Variants in SACS observed in about 807,000 individuals in gnomAD.
SACS encodes the protein sacsin.
SACS carries 197 observed loss-of-function variants against 348.0 expected under a neutral mutation model. That is an observed-to-expected ratio of 0.57 (90% CI 0.50 to 0.64). The LOEUF is 0.64. SACS is among the 30% of genes least tolerant of loss of function. The probability of loss-of-function intolerance (pLI) is 0.00; values close to 1 mark genes in which losing one functional copy is unlikely to be tolerated. For missense variants in SACS, 4,999 were observed against 5,360.8 expected, an observed-to-expected ratio of 0.93 and a Z score of 2.11; for synonymous variants, 1,985 against 1,910.6, an observed-to-expected ratio of 1.04 and a Z score of -1.02.
chr13:23,364,707 TATC>T (rs1264162975), intron 6 of SACS, among the ~76,000 whole-genome samples: 3 of 152,254 alleles, frequency 2.0e-5, no homozygotes, highest in Admixed American at 2.0e-4. Flanking sequence ...ATGGCTTTCT[TATC>T]ATGTTTCCTT....
intron 5 of SACS, among the ~76,000 whole-genome samples, chr13:23,366,635 A>G (rs560184086): frequency 6.6e-6 from 1 of 152,254 alleles, no homozygotes; most frequent in African/African-American, 2.4e-5. Flanking sequence ...TCAGGTATCT[A>G]TTTATTATTT....
intron 8 of SACS, 103 bp from the exon 9 acceptor site, chr13:23,353,979 T>C: frequency 1.3e-6 from 1 of 750,026 alleles, no homozygotes; most frequent in Non-Finnish European, 2.4e-6. Context: ...ACTATTTTAT[T>C]TTACATAAAT....
At chr13:23,374,874 C>T (rs994951946) in intron 3 of SACS, among the ~76,000 whole-genome samples, 9 of 149,178 alleles carry the variant, frequency 6.0e-5, no homozygotes, top group African/African-American at 2.2e-4. Flanking sequence ...CAATGTCCAC[C>T]AAAAAAAATC....
chr13:23,330,194 A>G lies in SACS; in HGVS notation c.13682T>C (p.Met4561Thr). Residue 4561 changes from methionine (M) to threonine (T), a missense_variant, in exon 10 of 10, where the codon ATG becomes ACG. Physicochemically the swap from Met to Thr is moderately conservative, Grantham distance 81. Transcript: ENST00000382292. ...RFTSEVAMRV[M>T]ECTACIIIKL... ...TATTATGATACAGGCAGTACATTCC[A>G]TCACCCTCATAGCAACCTCAGAAGT... The G allele has an allele frequency of 6.2e-7, 1 of 1,614,104 alleles. No individual in the cohort carries two copies. Among genetic ancestry groups the G allele is most frequent in the Non-Finnish European group, 8.5e-7 (1 of 1,179,964 alleles).
intron 3 of SACS, among the ~76,000 whole-genome samples, chr13:23,374,574 T>C (rs936570755): frequency 2.0e-5 from 3 of 152,232 alleles, no homozygotes; most frequent in African/African-American, 4.8e-5. Context: ...AAAGAATACA[T>C]AACAATATTC....
At chr13:23,354,001 CATCAA>C (rs1870150095) in intron 8 of SACS, 125 bp from the exon 9 acceptor site, 2 of 678,886 alleles carry the variant, frequency 2.9e-6, no homozygotes, top group African/African-American at 3.6e-5. Flanking sequence ...ATAATGCACA[CATCAA>C]ATCAAATTAC....
intron 5 of SACS, among the ~76,000 whole-genome samples, chr13:23,365,646 ACTTAAG>A (rs1227044406): frequency 6.6e-6 from 1 of 152,206 alleles, no homozygotes; most frequent in Non-Finnish European, 1.5e-5. Context: ...GTGGCAGGTA[ACTTAAG>A]CTTGAGTGAT....
At chr13:23,429,519 T>C (rs556236458) in intron 1 of SACS, among the ~76,000 whole-genome samples, 1,706 of 151,976 alleles carry the variant, frequency 0.011, 36 homozygotes, top group African/African-American at 0.038. Flanking sequence ...CCCGCCACCA[T>C]GCCCGGCTAA....
chr13:23,362,641 A>G (rs1870809471), intron 6 of SACS, among the ~76,000 whole-genome samples: 1 of 136,424 alleles, frequency 7.3e-6, no homozygotes, highest in Admixed American at 8.4e-5. Context: ...GCTGGAGTGC[A>G]GTGGCAAGAT....
In SACS at chr13:23,335,084, T is replaced by C. The variant is rs1158086714; in HGVS notation, c.8792A>G (p.Lys2931Arg). Residue 2931 changes from lysine (K) to arginine (R), a missense_variant, in exon 10 of 10, where the codon AAA becomes AGA. Physicochemically the swap from Lys to Arg is conservative, Grantham distance 26. This residue lies in a region of SACS where 734 missense variants were observed against 694.0 expected (regional missense o/e 1.06). Coordinates refer to ENST00000382292, the MANE Select transcript of SACS (RefSeq NM_014363.6). The surrounding 1 kb of genome is among the most constrained non-coding windows in gnomAD (Gnocchi z 4.7). ...AYVELLIQLKKRYFPGSDPTL... is the reference protein window; with the variant it reads ...AYVELLIQLKRRYFPGSDPTL... ...TGGATCAGAACCAGGGAAATACCGT[T>C]TTTTTAACTGTATTAGCAATTCAAC... is the stretch of plus-strand genomic sequence containing the variant. The C allele has an allele frequency of 6.2e-7, 1 of 1,613,656 alleles. No individual in the cohort carries two copies. The highest frequency in any genetic ancestry group is 8.5e-7 in the Non-Finnish European group (1 of 1,179,676).
chr13:23,337,300 G>A lies in SACS; in HGVS notation c.6576C>T (p.Ile2192=), dbSNP rs145327845. 1.1e-4 allele frequency: 185 copies of A among 1,613,566 alleles called. No individual in the cohort carries two copies. In the African/African-American group the frequency reaches 1.8e-3, roughly 16 times the overall value. Residue 2192 remains isoleucine, a synonymous_variant, in exon 10 of 10, where the codon ATC becomes ATT. Coordinates refer to ENST00000382292, the MANE Select transcript of SACS (RefSeq NM_014363.6). ...CLRSSILLSL[I]DEKLKIRDPR... ...GATCCCTTATTTTTAGTTTCTCATC[G>A]ATAAGACTCAATAAGATACTACTTC...
chr13:23,364,128 T>C (rs1478719869), intron 6 of SACS, among the ~76,000 whole-genome samples: 1 of 152,216 alleles, frequency 6.6e-6, no homozygotes, highest in East Asian at 1.9e-4. Flanking sequence ...AAATGTGAGC[T>C]AAGAATGACT....
chr13:23,427,365 C>T (rs1368669014), intron 1 of SACS: 3 of 152,242 alleles, frequency 2.0e-5, no homozygotes, highest in Non-Finnish European at 2.9e-5. Context: ...CTCCCCTCCT[C>T]CCCAGCTTGG....
chr13:23,389,681 A>G (rs934000866), intron 2 of SACS, among the ~76,000 whole-genome samples: 4 of 152,258 alleles, frequency 2.6e-5, no homozygotes, highest in African/African-American at 7.2e-5. Context: ...GATACGTAGT[A>G]CATGATTCTC....
At chr13:23,392,232 T>C (rs973753701) in intron 2 of SACS, among the ~76,000 whole-genome samples, 3 of 152,190 alleles carry the variant, frequency 2.0e-5, no homozygotes, top group East Asian at 1.9e-4. Context: ...GCATTTCCTA[T>C]GTAATGGCCA....
At chr13:23,354,123 T>G (rs1272293455) in intron 8 of SACS, among the ~76,000 whole-genome samples, 1 of 152,208 alleles carries the variant, frequency 6.6e-6, no homozygotes, top group Non-Finnish European at 1.5e-5. Flanking sequence ...AAAATTAATT[T>G]TATTTCCTGA....
In SACS at chr13:23,331,660, A is replaced by T. The variant is rs574182225; in HGVS notation, c.12216T>A (p.Thr4072=). ...TACCAAATCGCTTCAAAAAAGCAAA[A>T]GTTTCACTTCTGCTGTGGGGAATAG... ...FNPIPHSRSE[T]FAFLKRFGNA... Residue 4072 remains threonine (T), a synonymous_variant, in exon 10 of 10, where the codon ACT becomes ACA. Coordinates refer to ENST00000382292, the MANE Select transcript of SACS (RefSeq NM_014363.6). 50 of 1,613,972 alleles carry T rather than the reference A, an allele frequency of 3.1e-5. No homozygotes were observed. The East Asian group carries it at 1.1e-3, about 35-fold the overall frequency.
At chr13:23,392,731 T>C (rs17078707) in intron 2 of SACS, among the ~76,000 whole-genome samples, 1,975 of 152,312 alleles carry the variant, frequency 0.013, 26 homozygotes, top group South Asian at 0.045. Flanking sequence ...ATTTGTTTTC[T>C]CCTAAAGGAG....
At chr13:23,375,865 G>T (rs569285108) in intron 2 of SACS, among the ~76,000 whole-genome samples, 1 of 152,156 alleles carries the variant, frequency 6.6e-6, no homozygotes, top group Non-Finnish European at 1.5e-5. Flanking sequence ...CAGGTGCGTT[G>T]TCCCTTTTAG....
Sources: gnomAD v4.1 joint callset for allele counts (sites outside exome capture counted in the v4.1 genomes callset) on GRCh38, gnomAD v4.1.1 for gene constraint, gnomAD v4.1.1 regional missense constraint, Gnocchi (gnomAD v3.1) non-coding constraint, MANE v1.5 for transcripts, NCBI Gene and HGNC (gene_info 2026-07-23, HGNC 2026-07-21) for gene names.